CDH10: variants seen among roughly 807,000 people sequenced by gnomAD.
CDH10 encodes cadherin-10.
A neutral mutation model predicts 73.1 loss-of-function variants in CDH10; 30 were observed. That is an observed-to-expected ratio of 0.41 (90% CI 0.31 to 0.56). The LOEUF is 0.56. Among genes scored for constraint, CDH10 ranks in the 20% least tolerant of loss-of-function variants. CDH10 has a pLI of 0.27. For missense variants in CDH10, 815 were observed against 973.7 expected, an observed-to-expected ratio of 0.84 and a Z score of 2.17; for synonymous variants, 345 against 348.2, an observed-to-expected ratio of 0.99 and a Z score of 0.10.
intron 5 of CDH10, among the ~76,000 whole-genome samples, chr5:24,532,346 T>C (rs1021155011): frequency 6.6e-6 from 1 of 152,112 alleles, no homozygotes; most frequent in African/African-American, 2.4e-5. Context: ...AGTCCATGCT[T>C]CCTAGATATT....
At chr5:24,494,182 T>C (rs1189131780) in intron 9 of CDH10, among the ~76,000 whole-genome samples, 2 of 151,890 alleles carry the variant, frequency 1.3e-5, no homozygotes, top group Admixed American at 1.3e-4. Context: ...CATAATTATT[T>C]GACTAAATTT....
intron 1 of CDH10, among the ~76,000 whole-genome samples, chr5:24,601,533 T>C (rs542268359): frequency 1.3e-5 from 2 of 152,250 alleles, no homozygotes; most frequent in South Asian, 4.1e-4. Context: ...TGGAAGCGTA[T>C]GAACTACAGA....
intron 5 of CDH10, among the ~76,000 whole-genome samples, chr5:24,533,866 CCAGCACCA>C (rs1743840911): frequency 6.6e-6 from 1 of 151,834 alleles, no homozygotes; most frequent in African/African-American, 2.4e-5. Context: ...GTTCTGGAGC[CCAGCACCA>C]CAGCAGCAGA....
intron 5 of CDH10, among the ~76,000 whole-genome samples, chr5:24,526,348 C>G (rs940086933): frequency 6.6e-6 from 1 of 151,920 alleles, no homozygotes; most frequent in Non-Finnish European, 1.5e-5. Flanking sequence ...CACAGTTCAT[C>G]ACAGACGGAA....
intron 1 of CDH10, among the ~76,000 whole-genome samples, chr5:24,606,757 GT>G (rs1561193089): frequency 1.3e-5 from 2 of 152,132 alleles, no homozygotes; most frequent in African/African-American, 4.8e-5. Flanking sequence ...TTAAGAGTAT[GT>G]AATTTTATGA....
At chr5:24,524,157 T>A (rs913319780) in intron 5 of CDH10, among the ~76,000 whole-genome samples, 1 of 152,184 alleles carries the variant, frequency 6.6e-6, no homozygotes, top group African/African-American at 2.4e-5. Flanking sequence ...GAATTATGTT[T>A]ATGCTCAGAA....
intron 5 of CDH10, among the ~76,000 whole-genome samples, chr5:24,518,382 C>G (rs1743187358): frequency 6.6e-6 from 1 of 152,034 alleles, no homozygotes; most frequent in Non-Finnish European, 1.5e-5. Context: ...TATATATACA[C>G]ACACACATAT....
At chr5:24,563,440 T>C (rs1275343161) in intron 2 of CDH10, among the ~76,000 whole-genome samples, 5 of 80,948 alleles carry the variant, frequency 6.2e-5, no homozygotes, top group African/African-American at 2.5e-4. Flanking sequence ...AATACATCTT[T>C]TATAGAAGCT....
At chr5:24,501,881 C>T (rs1742509597) in intron 8 of CDH10, among the ~76,000 whole-genome samples, 1 of 151,680 alleles carries the variant, frequency 6.6e-6, no homozygotes, top group South Asian at 2.1e-4. Context: ...ATTATTAAGT[C>T]ATTGATTGTG....
At chr5:24,545,242 T>G (rs1443565151) in intron 2 of CDH10, among the ~76,000 whole-genome samples, 2 of 152,182 alleles carry the variant, frequency 1.3e-5, no homozygotes, top group Non-Finnish European at 2.9e-5. Flanking sequence ...TACACCTTAT[T>G]TTTTCCCCAC....
chr5:24,568,743 C>A (rs1745255141), intron 2 of CDH10, among the ~76,000 whole-genome samples: 1 of 152,026 alleles, frequency 6.6e-6, no homozygotes, highest in South Asian at 2.1e-4. Flanking sequence ...TGGGAACAAT[C>A]CAGATGTTCA....
chr5:24,502,913 C>G (rs1742548995), intron 8 of CDH10, among the ~76,000 whole-genome samples: 3 of 151,974 alleles, frequency 2.0e-5, no homozygotes, highest in South Asian at 4.2e-4. Context: ...GCCTTAAAAT[C>G]AAAAGCTAAA....
chr5:24,559,518 T>A (rs529482774), intron 2 of CDH10, among the ~76,000 whole-genome samples: 2 of 152,154 alleles, frequency 1.3e-5, no homozygotes, highest in East Asian at 3.9e-4. Flanking sequence ...ACTGCAGTAC[T>A]TTATGCTGAG....
At chr5:24,564,477 T>A (rs1430173337) in intron 2 of CDH10, among the ~76,000 whole-genome samples, 1 of 152,124 alleles carries the variant, frequency 6.6e-6, no homozygotes, top group Non-Finnish European at 1.5e-5. Flanking sequence ...TTTTTCCTCT[T>A]CATAATGGTA....
At chr5:24,553,520 G>A (rs148884208) in intron 2 of CDH10, among the ~76,000 whole-genome samples, 28 of 151,742 alleles carry the variant, frequency 1.8e-4, no homozygotes, top group African/African-American at 6.5e-4. Flanking sequence ...GCTTTACTTC[G>A]TAGAGCATTT....
chr5:24,511,557 GAGAGAGAGA>G lies in CDH10; in HGVS notation c.815-52_815-44del. The G allele has an allele frequency of 1.1e-5, 4 of 358,858 alleles. No individual in the cohort carries two copies. The South Asian group carries it at 1.9e-4, about 17-fold the overall frequency. 22.2% of individuals were successfully genotyped at this position (358,858 alleles called of 1,614,324 possible). Reference sequence around the variant, plus strand: ...AAGAAGAGAGAGACAGAGAGAGAGAGAGAGAGAGAGAGAGAGAGAGAGAGAGAGAGAGAG... The same window carrying G: ...AAGAAGAGAGAGACAGAGAGAGAGAGGAGAGAGAGAGAGAGAGAGAGAGAG... On this transcript the variant is annotated intron_variant, in intron 5 of 11. Transcript: ENST00000264463.
intron 5 of CDH10, among the ~76,000 whole-genome samples, chr5:24,529,073 A>G (rs555464459): frequency 1.9e-4 from 29 of 152,092 alleles, no homozygotes; most frequent in Non-Finnish European, 4.0e-4. Context: ...TATTTGCACA[A>G]TATTTTACAG....
In CDH10 at chr5:24,511,525, T is replaced by C. The variant is rs755501969; in HGVS notation, c.815-11A>G. ...GAAGATGAATAGTGTCTGTAAAGTA[T>C]AAAGAAAAGAAGAGAGAGACAGAGA... On this transcript the variant is annotated splice_polypyrimidine_tract_variant and intron_variant, in intron 5 of 11. Coordinates refer to ENST00000264463, the MANE Select transcript of CDH10 (RefSeq NM_006727.5). 7.9e-7 allele frequency: 1 copy of C among 1,270,818 alleles called. No homozygotes were observed. The highest frequency in any genetic ancestry group is 1.3e-5 in the South Asian group (1 of 79,266). 78.7% of individuals were successfully genotyped at this position (1,270,818 alleles called of 1,614,324 possible). A position where few individuals can be genotyped will look rare whatever the true frequency, so the allele number is the denominator to read the frequency against.
chr5:24,603,829 T>C lies in CDH10; in HGVS notation c.-123-10216A>G, dbSNP rs187752492. Among the ~76,000 whole-genome samples the C allele has an allele frequency of 3.0e-3, 450 of 152,056 alleles. 1 individual carries two copies. Among genetic ancestry groups the C allele is most frequent in the Non-Finnish European group, 5.0e-3 (343 of 67,998 alleles). On this transcript the variant is annotated intron_variant, in intron 1 of 11. Transcript: ENST00000264463. ...AAACTGGTTGTCCTAGCCAAAGCAGTGAGGCAAAGAAAAAAGAAATGGAAA... is the reference window on the plus strand; with the variant it reads ...AAACTGGTTGTCCTAGCCAAAGCAGCGAGGCAAAGAAAAAAGAAATGGAAA...
Sources: allele counts gnomAD v4.1 joint callset (sites outside exome capture counted in the v4.1 genomes callset), GRCh38; gene constraint gnomAD v4.1.1; transcripts MANE v1.5; gene names NCBI Gene and HGNC (gene_info 2026-07-23, HGNC 2026-07-21).